Variants in COL5A2 observed in about 807,000 individuals in gnomAD.
The protein encoded by COL5A2 is collagen alpha-2(V) chain.
In COL5A2, 23 loss-of-function variants were observed where a neutral mutation model predicts 208.2. That is an observed-to-expected ratio of 0.11 (90% CI 0.08 to 0.16). The LOEUF (loss-of-function observed/expected upper bound fraction) is 0.16. Ranked by LOEUF, COL5A2 falls within the 10% of genes least tolerant of loss-of-function variation. The pLI, the probability that COL5A2 is intolerant of heterozygous loss-of-function variation, is 1.00. For missense variants in COL5A2, 1,590 were observed against 1,956.4 expected, an observed-to-expected ratio of 0.81 and a Z score of 3.53; for synonymous variants, 625 against 628.5, an observed-to-expected ratio of 0.99 and a Z score of 0.08.
the COL5A2 span, among the ~76,000 whole-genome samples, chr2:189,341,066 A>G: frequency 6.6e-6 from 1 of 152,212 alleles, no homozygotes; most frequent in African/African-American, 2.4e-5. Context: ...TCTTCAATAT[A>G]GATGATCAAG....
At chr2:189,293,590 G>A in the COL5A2 span, among the ~76,000 whole-genome samples, 7 of 152,128 alleles carry the variant, frequency 4.6e-5, no homozygotes, top group Non-Finnish European at 7.4e-5. Flanking sequence ...TCGTGAAGGC[G>A]AAGCCCTCAT....
At chr2:189,354,087 G>C in the COL5A2 span, among the ~76,000 whole-genome samples, 7 of 152,280 alleles carry the variant, frequency 4.6e-5, no homozygotes, top group Middle Eastern at 3.4e-3. Context: ...TAAGTTTATT[G>C]ATTTGTGTAT....
At chr2:189,358,126 A>C in the COL5A2 span, among the ~76,000 whole-genome samples, 2 of 151,740 alleles carry the variant, frequency 1.3e-5, no homozygotes, top group African/African-American at 4.8e-5. Context: ...CCCACCTTCT[A>C]TGTCGATCTC....
At chr2:189,325,304 T>C in the COL5A2 span, among the ~76,000 whole-genome samples, 1 of 149,192 alleles carries the variant, frequency 6.7e-6, no homozygotes. Context: ...ACCCTAGAAC[T>C]TAAAGTATAA....
At chr2:189,182,536 G>A (rs1270875664), upstream of COL5A2, among the ~76,000 whole-genome samples, 1 of 151,890 alleles carries the variant, frequency 6.6e-6, no homozygotes, top group Non-Finnish European at 1.5e-5. Context: ...CTGTCCCCAG[G>A]AGGAGCCTAT....
At chr2:189,067,890 C>A in intron 21 of COL5A2, 125 bp downstream of exon 21, 5 of 808,932 alleles carry the variant, frequency 6.2e-6, no homozygotes, top group Non-Finnish European at 8.5e-6. Context: ...CACAAAGACT[C>A]CCATCTTCCC....
intron 1 of COL5A2, among the ~76,000 whole-genome samples, chr2:189,185,777 A>G (rs1576579487): frequency 1.3e-5 from 2 of 152,216 alleles, no homozygotes; most frequent in Non-Finnish European, 2.9e-5. Context: ...TTTCCTGAAC[A>G]TACATTGTTT....
chr2:189,216,473 C>G (rs987162665), intron 1 of COL5A2, among the ~76,000 whole-genome samples: 1 of 151,768 alleles, frequency 6.6e-6, no homozygotes, highest in East Asian at 1.9e-4. Flanking sequence ...GAGATGCCTG[C>G]TGCCTTGGGA....
In COL5A2 at chr2:189,050,659, A is replaced by G; in HGVS notation, c.2949T>C (p.Pro983=). Residue 983 remains proline, a synonymous_variant, in exon 43 of 54, where the codon CCT becomes CCC. Coordinates refer to ENST00000374866, the MANE Select transcript of COL5A2 (RefSeq NM_000393.5). ...TCTGCCCGGTCGTTCCAGCTGGACC[A>G]GGGGGGCCATCTGGACCCTAATGTT... is the stretch of plus-strand genomic sequence containing the variant. The part of the protein sequence containing the change: ...EDGQPGPDGP[P]GPAGTTGQRG... 1 of 1,552,226 alleles carries G rather than the reference A, an allele frequency of 6.4e-7. No homozygotes were observed. The highest frequency in any genetic ancestry group is 8.7e-7 in the Non-Finnish European group (1 of 1,147,280).
the COL5A2 span, among the ~76,000 whole-genome samples, chr2:189,403,555 T>C: frequency 6.6e-6 from 1 of 152,208 alleles, no homozygotes; most frequent in Non-Finnish European, 1.5e-5. Context: ...ATTGTGGGTT[T>C]GTCATATATG....
At chr2:189,182,769 G>A (rs922267650), upstream of COL5A2, among the ~76,000 whole-genome samples, 4 of 151,592 alleles carry the variant, frequency 2.6e-5, no homozygotes, top group East Asian at 1.9e-4. Context: ...CCCTTTCTCC[G>A]AACTTCTGCT....
rs112471347 is a variant in COL5A2 at position 189,107,508 on chromosome 2, C to G, written c.322+2717G>C. Among the ~76,000 whole-genome samples the G allele has an allele frequency of 7.2e-3, 1,095 of 151,258 alleles. 14 individuals are homozygous for G. Among genetic ancestry groups the G allele is most frequent in the African/African-American group, 0.024 (1,013 of 41,466 alleles). On this transcript the variant is annotated intron_variant, in intron 2 of 53. Transcript: ENST00000374866. ...TTTACATATTATTTCTACTATATTT[C>G]AGTTTTCTCACTTTTCAACTTCTGT...
chr2:189,401,821 G>C, the COL5A2 span, among the ~76,000 whole-genome samples: 1 of 152,174 alleles, frequency 6.6e-6, no homozygotes, highest in Admixed American at 6.5e-5. Context: ...CTAATGATCA[G>C]TGATGTTGAG....
chr2:189,320,304 A>T, the COL5A2 span, among the ~76,000 whole-genome samples: 4 of 152,198 alleles, frequency 2.6e-5, no homozygotes, highest in Non-Finnish European at 5.9e-5. Flanking sequence ...CAACAGAACA[A>T]AGCTGGACAG....
Position 189,034,071 on chromosome 2 carries a change from T to C in COL5A2, c.4499A>G (p.Ter1500=). Residue 1500 remains the stop codon, a stop_retained_variant, in exon 54 of 54, where the codon TAA becomes TGA. Transcript: ENST00000374866. ...GVEIGPVCFV[*] ...ATTGTCGATGTGTCTTGGCTTACTT[T>C]ACACAAAACAAACTGGCCCAATTTC... 1 of 1,613,984 alleles carries C rather than the reference T, an allele frequency of 6.2e-7. No homozygotes were observed. The highest frequency in any genetic ancestry group is 8.5e-7 in the Non-Finnish European group (1 of 1,179,886).
chr2:189,392,965 A>G, the COL5A2 span, among the ~76,000 whole-genome samples: 331 of 152,306 alleles, frequency 2.2e-3, 10 homozygotes, highest in East Asian at 0.046. Context: ...AGTTACATCT[A>G]TGTTCCCCAT....
chr2:189,179,925 G>A (rs1688751961), upstream of COL5A2: 7 of 526,694 alleles, frequency 1.3e-5, no homozygotes, highest in South Asian at 2.3e-4. Flanking sequence ...CTCTGTGCCT[G>A]AACTTTCCCT....
At chr2:189,220,377 T>A (rs373131695) in intron 1 of COL5A2, among the ~76,000 whole-genome samples, 1 of 152,282 alleles carries the variant, frequency 6.6e-6, no homozygotes, top group Non-Finnish European at 1.5e-5. Flanking sequence ...GTGAGAAAAT[T>A]CTTTAGAGAA....
the COL5A2 span, among the ~76,000 whole-genome samples, chr2:189,394,743 C>T: frequency 6.6e-6 from 1 of 151,950 alleles, no homozygotes; most frequent in Admixed American, 6.6e-5. Context: ...CATAAAGATA[C>T]AAAGTATGAA....
Sources: gnomAD v4.1 joint callset for allele counts (sites outside exome capture counted in the v4.1 genomes callset) on GRCh38, gnomAD v4.1.1 for gene constraint, MANE v1.5 for transcripts, NCBI Gene and HGNC (gene_info 2026-07-23, HGNC 2026-07-21) for gene names.